Variants in RBFOX1 observed in about 807,000 individuals in gnomAD.
The protein encoded by RBFOX1 is RNA binding fox-1 homolog 1, also known as RNA binding protein fox-1 homolog 1.
In RBFOX1, 8 loss-of-function variants were observed where a neutral mutation model predicts 57.7. The observed-to-expected ratio is 0.14, with a 90% confidence interval of 0.08 to 0.25. The LOEUF (loss-of-function observed/expected upper bound fraction) is 0.25, where lower values mean the gene tolerates loss of function less well. RBFOX1 is among the 10% of genes least tolerant of loss of function. The pLI is 1.00. For missense variants in RBFOX1, 611 were observed against 548.5 expected (o/e 1.11, Z -1.14); for synonymous variants, 326 against 222.4 (o/e 1.47, Z -4.15).
chr16:5,346,017 A>T (rs1281332383), intron 1 of RBFOX1, among the ~76,000 whole-genome samples: 3 of 152,152 alleles, frequency 2.0e-5, no homozygotes, highest in African/African-American at 7.2e-5. Context: ...ATTGTCAACA[A>T]TCCCTTTCAG....
chr16:5,809,236 G>A (rs1366681898), intron 3 of RBFOX1, among the ~76,000 whole-genome samples: 2 of 152,086 alleles, frequency 1.3e-5, no homozygotes, highest in Non-Finnish European at 2.9e-5. Flanking sequence ...GAAAACCTAG[G>A]CATTACCATT....
chr16:5,955,352 AAATAAAAATAAAATAAAATAAAAT>A (rs2059612636), intron 4 of RBFOX1, among the ~76,000 whole-genome samples: 5 of 14,556 alleles, frequency 3.4e-4, no homozygotes, highest in African/African-American at 2.2e-3. Context: ...AAAATAAAAT[AAATAAAAATAAAATAAAATAAAAT>A]AAAATAAAAT....
rs141140165 is a variant in RBFOX1 at position 7,148,745 on chromosome 16, C to G, written c.27+96647C>G. ...TGAGGCAATCGTTTGAGCAGAAACC[C>G]GAAGAGGCCTGGGAGGCAGAGCTGC... On this transcript the variant is annotated intron_variant, in intron 4 of 15. Coordinates refer to ENST00000550418, the MANE Select transcript of RBFOX1 (RefSeq NM_018723.4). Among the ~76,000 whole-genome samples the G allele has an allele frequency of 2.5e-3, 376 of 152,246 alleles. 2 individuals are homozygous for G. The highest frequency in any genetic ancestry group is 0.015 in the South Asian group (73 of 4,806).
intron 3 of RBFOX1, among the ~76,000 whole-genome samples, chr16:6,684,378 T>C (rs2059120975): frequency 1.3e-5 from 2 of 152,210 alleles, no homozygotes; most frequent in South Asian, 2.1e-4. Context: ...TGAGCAGCCA[T>C]TGAGGGCAGA....
At chr16:6,416,127 G>A (rs553007631) in intron 2 of RBFOX1, among the ~76,000 whole-genome samples, 12 of 152,314 alleles carry the variant, frequency 7.9e-5, no homozygotes, top group African/African-American at 2.9e-4. Flanking sequence ...CAAAAGCCGT[G>A]TCTACTTTTT....
chr16:6,623,986 TTTCTAG>T (rs1402044079), intron 2 of RBFOX1, among the ~76,000 whole-genome samples: 2 of 152,178 alleles, frequency 1.3e-5, no homozygotes, highest in African/African-American at 4.8e-5. Context: ...TCAAATGGTA[TTTCTAG>T]TTCTAGATCC....
At chr16:5,475,409 A>C (rs2069285889) in intron 2 of RBFOX1, among the ~76,000 whole-genome samples, 2 of 152,254 alleles carry the variant, frequency 1.3e-5, no homozygotes, top group South Asian at 2.1e-4. Flanking sequence ...CAAGAATGAG[A>C]TGACAGCTTT....
At chr16:7,195,598 C>T (rs1395474659) in intron 4 of RBFOX1, among the ~76,000 whole-genome samples, 2 of 152,130 alleles carry the variant, frequency 1.3e-5, no homozygotes, top group African/African-American at 4.8e-5. Flanking sequence ...AACTCTCTTG[C>T]CCAGGCTGGA....
At chr16:6,539,170 T>A (rs1344450677) in intron 2 of RBFOX1, among the ~76,000 whole-genome samples, 1 of 152,072 alleles carries the variant, frequency 6.6e-6, no homozygotes, top group Non-Finnish European at 1.5e-5. Context: ...TTCTTCTCCT[T>A]GGCGGGAAAC....
At chr16:6,188,328 A>T (rs554744998) in intron 1 of RBFOX1, among the ~76,000 whole-genome samples, 1 of 151,580 alleles carries the variant, frequency 6.6e-6, no homozygotes, top group Non-Finnish European at 1.5e-5. Flanking sequence ...AGTTTTTACC[A>T]TGAGAAAAAA....
intron 4 of RBFOX1, among the ~76,000 whole-genome samples, chr16:7,498,083 G>A (rs893242215): frequency 1.2e-4 from 18 of 152,178 alleles, no homozygotes; most frequent in African/African-American, 3.6e-4. Context: ...GTTCTGTTCC[G>A]AAGCAGCCTT....
At chr16:5,268,727 T>C (rs2062925826) in intron 1 of RBFOX1, among the ~76,000 whole-genome samples, 1 of 152,228 alleles carries the variant, frequency 6.6e-6, no homozygotes, top group Non-Finnish European at 1.5e-5. Context: ...TCATTTTCCA[T>C]AGATTAAAAG....
chr16:5,696,848 C>A (rs1196097745), intron 3 of RBFOX1, among the ~76,000 whole-genome samples: 3 of 151,666 alleles, frequency 2.0e-5, no homozygotes, highest in Non-Finnish European at 4.4e-5. Context: ...TATAAATTAT[C>A]TATCTTACAT....
intron 2 of RBFOX1, among the ~76,000 whole-genome samples, chr16:6,500,892 T>TGTTTGTTTGTTTGTTTGTTTGTTTG (rs752870662): frequency 3.9e-5 from 1 of 25,756 alleles, no homozygotes; most frequent in South Asian, 1.7e-3. Context: ...TTTTTTTTTT[T>TGTTTGTTTGTTTGTTTGTTTGTTTG]TTTTTTTTTA....
chr16:6,705,677 C>T (rs974736989), intron 3 of RBFOX1: 8 of 152,064 alleles, frequency 5.3e-5, no homozygotes, highest in African/African-American at 1.2e-4. Flanking sequence ...ACAACAAAGC[C>T]ACTGTGATAG....
intron 2 of RBFOX1, among the ~76,000 whole-genome samples, chr16:6,399,623 T>C (rs2092987310): frequency 6.6e-6 from 1 of 151,376 alleles, no homozygotes; most frequent in African/African-American, 2.4e-5. Flanking sequence ...TCCAAACTGT[T>C]CCAACCTCTG....
At chr16:7,380,121 A>G (rs1429281893) in intron 4 of RBFOX1, among the ~76,000 whole-genome samples, 17 of 152,118 alleles carry the variant, frequency 1.1e-4, no homozygotes, top group Non-Finnish European at 2.1e-4. Context: ...GCTTCCCAAA[A>G]CACTGAGACT....
intron 3 of RBFOX1, among the ~76,000 whole-genome samples, chr16:6,892,706 T>C (rs1218041643): frequency 1.3e-5 from 2 of 150,912 alleles, no homozygotes; most frequent in Admixed American, 1.3e-4. Context: ...TGAAGTACAG[T>C]GCTATTTGTA....
At chr16:5,904,359 T>C (rs2058388872) in intron 4 of RBFOX1, among the ~76,000 whole-genome samples, 1 of 152,148 alleles carries the variant, frequency 6.6e-6, no homozygotes, top group Admixed American at 6.5e-5. Context: ...CAGCAGAGGC[T>C]GCTCCATCAC....
Sources: gnomAD v4.1 joint callset for allele counts (sites outside exome capture counted in the v4.1 genomes callset) on GRCh38, gnomAD v4.1.1 for gene constraint, MANE v1.5 for transcripts, NCBI Gene and HGNC (gene_info 2026-07-23, HGNC 2026-07-21) for gene names.